The following ROR1 variants were observed in gnomAD, a reference collection of about 807,000 sequenced individuals.
ROR1 encodes the protein ROR family WNT receptor 1, also known as inactive tyrosine-protein kinase transmembrane receptor ROR1.
A neutral mutation model predicts 78.8 loss-of-function variants in ROR1; 19 were observed. The ratio of observed to expected loss-of-function variants is 0.24; its 90% CI spans 0.17 to 0.35. The LOEUF (loss-of-function observed/expected upper bound fraction) is 0.35. Ranked by LOEUF, ROR1 falls within the 10% of genes least tolerant of loss-of-function variation. The pLI, the probability that ROR1 is intolerant of heterozygous loss-of-function variation, is 1.00. For missense variants in ROR1, 917 were observed against 1,177.8 expected, an observed-to-expected ratio of 0.78 and a Z score of 3.24; for synonymous variants, 386 against 433.6, an observed-to-expected ratio of 0.89 and a Z score of 1.36.
intron 1 of ROR1, among the ~76,000 whole-genome samples, chr1:63,776,792 T>C (rs902592843): frequency 1.3e-5 from 2 of 152,188 alleles, no homozygotes; most frequent in Non-Finnish European, 2.9e-5. Flanking sequence ...TACTCTTTAG[T>C]AATGAGCTCA....
intron 4 of ROR1, among the ~76,000 whole-genome samples, chr1:64,082,667 C>T (rs1169898424): frequency 6.6e-6 from 1 of 152,240 alleles, no homozygotes; most frequent in East Asian, 1.9e-4. Context: ...AGCATTAGAG[C>T]TGATCCTCTC....
chr1:64,092,127 C>T (rs1647203932), intron 4 of ROR1, among the ~76,000 whole-genome samples: 1 of 126,182 alleles, frequency 7.9e-6, no homozygotes, highest in South Asian at 2.6e-4. Context: ...CTCCCTTCCT[C>T]CCTGCATGCC....
At chr1:63,964,880 G>A (rs997594815) in intron 1 of ROR1, among the ~76,000 whole-genome samples, 7 of 152,202 alleles carry the variant, frequency 4.6e-5, no homozygotes, top group African/African-American at 1.7e-4. Context: ...GCAACTTTTT[G>A]AGAACTGAGG....
intron 4 of ROR1, among the ~76,000 whole-genome samples, chr1:64,088,036 A>T (rs1394020499): frequency 2.6e-5 from 4 of 152,126 alleles, no homozygotes; most frequent in Non-Finnish European, 5.9e-5. Flanking sequence ...ACCAAGCTAC[A>T]TTTCTGCCAG....
Position 64,178,851 on chromosome 1 carries a change from T to G in ROR1, c.2810T>G (p.Leu937Arg). Residue 937 changes from leucine to arginine, a missense_variant, in exon 9 of 9, where the codon CTG becomes CGG. Leu to Arg is a moderately radical substitution (Grantham distance 102). Around this residue, in one of 3 missense-constraint regions of ROR1, gnomAD observed 835 missense variants for 1,069.8 expected, o/e 0.78. Coordinates refer to ENST00000371079, the MANE Select transcript of ROR1 (RefSeq NM_005012.4). This position sits in a 1 kb window ranked among gnomAD's most constrained non-coding sequence, Gnocchi z 4.3. ...ACCGAATCTATGATTTCTGCAGAAC[T>G]GTAAAATGCACAACTTTTGTAAATG... is the stretch of plus-strand genomic sequence containing the variant. Reference protein sequence around the residue: ...GHTESMISAEL With the variant: ...GHTESMISAER The G allele has an allele frequency of 6.2e-7, 1 of 1,608,682 alleles. No individual in the cohort carries two copies. The highest frequency in any genetic ancestry group is 8.5e-7 in the Non-Finnish European group (1 of 1,176,748).
chr1:64,113,083 C>T (rs1245054168), intron 4 of ROR1, among the ~76,000 whole-genome samples: 4 of 152,160 alleles, frequency 2.6e-5, no homozygotes, highest in Admixed American at 1.3e-4. Flanking sequence ...TACTTTCTTC[C>T]GTTTTTCTGA....
At chr1:63,877,970 A>G (rs979713169) in intron 1 of ROR1, among the ~76,000 whole-genome samples, 1 of 152,216 alleles carries the variant, frequency 6.6e-6, no homozygotes, top group Non-Finnish European at 1.5e-5. Context: ...CTTAACCTCA[A>G]GCCTGGATTC....
intron 4 of ROR1, among the ~76,000 whole-genome samples, chr1:64,090,720 A>G (rs1437751182): frequency 1.3e-5 from 2 of 152,224 alleles, no homozygotes; most frequent in Non-Finnish European, 2.9e-5. Context: ...GGTTTTCCTC[A>G]GTGAAAATCA....
At chr1:63,831,152 C>T (rs1261322525) in intron 1 of ROR1, among the ~76,000 whole-genome samples, 1 of 152,186 alleles carries the variant, frequency 6.6e-6, no homozygotes, top group African/African-American at 2.4e-5. Context: ...TGAGTGCCTG[C>T]ACCTTTTCCA....
chr1:63,797,853 T>C (rs944064516), intron 1 of ROR1, among the ~76,000 whole-genome samples: 1 of 138,240 alleles, frequency 7.2e-6, no homozygotes, highest in African/African-American at 3.3e-5. Context: ...GATTGTAGTC[T>C]TGTCTTTTTT....
intron 1 of ROR1, among the ~76,000 whole-genome samples, chr1:63,902,000 A>T (rs1012705606): frequency 5.3e-5 from 8 of 152,238 alleles, no homozygotes; most frequent in Admixed American, 1.3e-4. Flanking sequence ...TTGAGTATGA[A>T]CTTGGGAATA....
At chr1:63,965,763 C>T (rs1211577462) in intron 1 of ROR1, among the ~76,000 whole-genome samples, 3 of 152,140 alleles carry the variant, frequency 2.0e-5, no homozygotes, top group African/African-American at 7.2e-5. Context: ...AAGAGGATAG[C>T]CCTTTTTTGG....
At chr1:63,993,992 G>C (rs1456402640) in intron 1 of ROR1, among the ~76,000 whole-genome samples, 1 of 152,108 alleles carries the variant, frequency 6.6e-6, no homozygotes, top group Non-Finnish European at 1.5e-5. Flanking sequence ...GTTCCTGATT[G>C]TTCATATCCC....
chr1:64,178,304 C>T lies in ROR1; in HGVS notation c.2263C>T (p.His755Tyr). Residue 755 changes from histidine (H) to tyrosine (Y), a missense_variant, in exon 9 of 9, where the codon CAC becomes TAC. His to Tyr is a moderately conservative substitution (Grantham distance 83, BLOSUM62 2). Transcript: ENST00000371079. The surrounding 1 kb of genome is among the most constrained non-coding windows in gnomAD (Gnocchi z 4.3). Reference sequence around the variant, plus strand: ...TCGGTCCTGGGAGGGACTCTCAAGTCACACAAGCTCTACTACTCCTTCAGG... The same window carrying T: ...TCGGTCCTGGGAGGGACTCTCAAGTTACACAAGCTCTACTACTCCTTCAGG... ...RLRSWEGLSS[H>Y]TSSTTPSGGN... is the part of the protein sequence containing the mutation. 6.2e-7 allele frequency: 1 copy of T among 1,614,134 alleles called. No homozygotes were observed. The highest frequency in any genetic ancestry group is 8.5e-7 in the Non-Finnish European group (1 of 1,180,018).
At chr1:63,991,983 G>A (rs1646299946) in intron 1 of ROR1, among the ~76,000 whole-genome samples, 1 of 152,104 alleles carries the variant, frequency 6.6e-6, no homozygotes, top group South Asian at 2.1e-4. Context: ...AACACCTGTA[G>A]TAATGTCTGT....
At chr1:64,174,732 C>G (rs7534614) in intron 8 of ROR1, among the ~76,000 whole-genome samples, 94,911 of 151,992 alleles carry the variant, frequency 0.62, 30,101 homozygotes, top group African/African-American at 0.72. Context: ...GAAAAGTTCT[C>G]ATGGAAATCT....
At chr1:63,914,414 G>C (rs1446189855) in intron 1 of ROR1, among the ~76,000 whole-genome samples, 1 of 152,170 alleles carries the variant, frequency 6.6e-6, no homozygotes, top group African/African-American at 2.4e-5. Flanking sequence ...CAGGAGGAGA[G>C]AGAAAGTAGC....
At chr1:63,831,270 G>C (rs1644986616) in intron 1 of ROR1, among the ~76,000 whole-genome samples, 1 of 152,130 alleles carries the variant, frequency 6.6e-6, no homozygotes. Flanking sequence ...CTCTGTGTGG[G>C]GGCTCCAACT....
At chr1:63,778,774 C>T (rs1019074659) in intron 1 of ROR1, among the ~76,000 whole-genome samples, 6 of 152,188 alleles carry the variant, frequency 3.9e-5, no homozygotes, top group African/African-American at 1.4e-4. Context: ...GATGGGTAAA[C>T]TTAGGCACAG....
Sources: allele counts gnomAD v4.1 joint callset (sites outside exome capture counted in the v4.1 genomes callset), GRCh38; gene constraint gnomAD v4.1.1; regional missense constraint gnomAD v4.1.1; non-coding constraint Gnocchi (gnomAD v3.1); transcripts MANE v1.5; gene names NCBI Gene and HGNC (gene_info 2026-07-23, HGNC 2026-07-21).